Variants in NEK7 observed in about 807,000 individuals in gnomAD.
The protein encoded by NEK7 is serine/threonine-protein kinase Nek7.
A neutral mutation model predicts 44.6 loss-of-function variants in NEK7; 18 were observed. The observed-to-expected ratio is 0.40, with a 90% CI of 0.28 to 0.60. NEK7 has a LOEUF of 0.60. Ranked by LOEUF, NEK7 falls within the 20% of genes least tolerant of loss-of-function variation. The probability of loss-of-function intolerance (pLI) is 0.38; values close to 1 mark genes in which losing one functional copy is unlikely to be tolerated. For missense variants in NEK7, 256 were observed against 366.5 expected, an observed-to-expected ratio of 0.70 and a Z score of 2.46; for synonymous variants, 130 against 121.1, an observed-to-expected ratio of 1.07 and a Z score of -0.48.
intron 2 of NEK7, among the ~76,000 whole-genome samples, chr1:198,248,433 G>A (rs183699475): frequency 6.6e-6 from 1 of 152,204 alleles, no homozygotes; most frequent in African/African-American, 2.4e-5. Flanking sequence ...AATAGGGATG[G>A]CCCCTGCCCC....
chr1:198,319,601 T>C lies in NEK7; in HGVS notation c.*79T>C. ...GTCATACCTCCCCATTTATGTCTGG[T>C]GTTAAGATTAATATTTCAGAGCTAG... is the stretch of plus-strand genomic sequence containing the variant. On this transcript the variant is annotated 3_prime_UTR_variant, in exon 10 of 10. Coordinates refer to ENST00000367385, the MANE Select transcript of NEK7 (RefSeq NM_133494.3). 3.5e-6 allele frequency: 5 copies of C among 1,420,768 alleles called. No individual in the cohort carries two copies. Among genetic ancestry groups the C allele is most frequent in the Non-Finnish European group, 4.6e-6 (5 of 1,080,672 alleles). 88.0% of individuals were successfully genotyped at this position (1,420,768 alleles called of 1,614,324 possible).
At chr1:198,198,397 C>G (rs1665308385) in intron 1 of NEK7, among the ~76,000 whole-genome samples, 1 of 152,088 alleles carries the variant, frequency 6.6e-6, no homozygotes, top group South Asian at 2.1e-4. Flanking sequence ...ACTGATGGGA[C>G]CTGTGTATCC....
intron 2 of NEK7, among the ~76,000 whole-genome samples, chr1:198,234,837 AT>A (rs1213307048): frequency 6.6e-6 from 1 of 152,042 alleles, no homozygotes; most frequent in Admixed American, 6.6e-5. Flanking sequence ...AGGGAGAAGG[AT>A]TTTTTTCCCC....
chr1:198,252,552 AT>A (rs1558079179), intron 2 of NEK7, among the ~76,000 whole-genome samples: 26 of 61,332 alleles, frequency 4.2e-4, no homozygotes, highest in Admixed American at 6.3e-4. Context: ...ATATATATAT[AT>A]ATATATATAT....
At chr1:198,159,522 T>A (rs898146592) in intron 1 of NEK7, among the ~76,000 whole-genome samples, 1 of 152,262 alleles carries the variant, frequency 6.6e-6, no homozygotes, top group African/African-American at 2.4e-5. Flanking sequence ...TGTCAGAATC[T>A]AAATCGTTAG....
chr1:198,218,007 T>C (rs10922377), intron 1 of NEK7, among the ~76,000 whole-genome samples: 51,020 of 151,654 alleles, frequency 0.34, 9,803 homozygotes, highest in East Asian at 0.79. Flanking sequence ...CCATACTGCC[T>C]AAAGCAATCC....
intron 1 of NEK7, among the ~76,000 whole-genome samples, chr1:198,205,883 G>T (rs1445636489): frequency 6.6e-6 from 1 of 152,032 alleles, no homozygotes; most frequent in Non-Finnish European, 1.5e-5. Context: ...TTAGGAATAT[G>T]AAACAAGTTT....
At chr1:198,193,718 C>G (rs1350665451) in intron 1 of NEK7, among the ~76,000 whole-genome samples, 1 of 152,054 alleles carries the variant, frequency 6.6e-6, no homozygotes, top group Non-Finnish European at 1.5e-5. Flanking sequence ...TTAAGAGATG[C>G]AGAAAAGGCC....
intron 1 of NEK7, among the ~76,000 whole-genome samples, chr1:198,175,615 A>G (rs1664583034): frequency 6.6e-6 from 1 of 152,200 alleles, no homozygotes; most frequent in Admixed American, 6.5e-5. Context: ...TAGCTTAGTG[A>G]GCATGTGCTT....
chr1:198,319,819 AG>A lies in NEK7; in HGVS notation c.*298del. On this transcript the variant is annotated 3_prime_UTR_variant, in exon 10 of 10. Transcript: ENST00000367385. ...AGTTTTCTGCTGATAAATTGTGTTT[AG>A]ATAGACTGTCAGTGCCAAATATTGA... 4.5e-6 allele frequency: 1 copy of A among 223,666 alleles called. No individual in the cohort carries two copies. Among genetic ancestry groups the A allele is most frequent in the Admixed American group, 5.2e-5 (1 of 19,280 alleles). The allele number at this position is 223,666 out of a possible 1,614,324, so 13.9% of individuals were successfully genotyped here. A position where few individuals can be genotyped will look rare whatever the true frequency, so the allele number is the denominator to read the frequency against.
intron 9 of NEK7, among the ~76,000 whole-genome samples, chr1:198,314,682 G>A (rs183602047): frequency 3.3e-4 from 50 of 152,232 alleles, no homozygotes; most frequent in South Asian, 8.3e-4. Context: ...GTCTGTTTGA[G>A]TACCCGGCCG....
chr1:198,256,230 G>GT lies in NEK7; in HGVS notation c.198+3055dup, dbSNP rs1653258633. ...GATACCATCCAGAATCCTCAGCTTA[G>GT]TTTTTAAGGCCCTTCCCTACTTTGT... On this transcript the variant is annotated intron_variant, in intron 3 of 9. Transcript: ENST00000367385. The GT allele has an allele frequency of 3.7e-6, 5 of 1,367,726 alleles. No individual in the cohort carries two copies. In the Admixed American group the frequency reaches 1.5e-4, roughly 40 times the overall value. The allele number at this position is 1,367,726 out of a possible 1,614,324, so 84.7% of individuals were successfully genotyped here.
chr1:198,250,923 T>C (rs576258212), intron 2 of NEK7, among the ~76,000 whole-genome samples: 1 of 152,306 alleles, frequency 6.6e-6, no homozygotes, highest in East Asian at 1.9e-4. Context: ...CTATGTTGAA[T>C]ATGAGTGGTG....
intron 7 of NEK7, among the ~76,000 whole-genome samples, chr1:198,281,634 CATCTT>C (rs1048541353): frequency 3.3e-5 from 5 of 152,014 alleles, no homozygotes; most frequent in East Asian, 1.9e-4. Flanking sequence ...ATTTTAAAAA[CATCTT>C]ATGCATTTAT....
chr1:198,263,803 A>C (rs949390929), intron 4 of NEK7, among the ~76,000 whole-genome samples: 3 of 151,952 alleles, frequency 2.0e-5, no homozygotes, highest in Non-Finnish European at 4.4e-5. Flanking sequence ...TGTAATTTTT[A>C]GCAGTTGGCG....
chr1:198,167,244 T>G (rs1664294707), intron 1 of NEK7, among the ~76,000 whole-genome samples: 1 of 152,222 alleles, frequency 6.6e-6, no homozygotes, highest in Non-Finnish European at 1.5e-5. Flanking sequence ...AAGGACATCC[T>G]CATGACCTCA....
intron 3 of NEK7, chr1:198,256,656 G>A: frequency 1.3e-6 from 1 of 744,364 alleles, no homozygotes; most frequent in Non-Finnish European, 2.0e-6. Context: ...TAAGGCTTTA[G>A]GAAGATTAAG....
intron 1 of NEK7, among the ~76,000 whole-genome samples, chr1:198,196,357 G>A (rs1665237021): frequency 6.6e-6 from 1 of 152,100 alleles, no homozygotes; most frequent in Admixed American, 6.5e-5. Flanking sequence ...ACTTATTTGT[G>A]GAAAATGTAT....
chr1:198,172,274 T>G (rs1004189247), intron 1 of NEK7, among the ~76,000 whole-genome samples: 33 of 152,182 alleles, frequency 2.2e-4, no homozygotes, highest in Admixed American at 5.2e-4. Flanking sequence ...GCTGTGACTT[T>G]TTATTAAAAT....
Sources: allele counts gnomAD v4.1 joint callset (sites outside exome capture counted in the v4.1 genomes callset), GRCh38; gene constraint gnomAD v4.1.1; transcripts MANE v1.5; gene names NCBI Gene and HGNC (gene_info 2026-07-23, HGNC 2026-07-21).